The following PEPD variants were observed in gnomAD, a reference collection of about 807,000 sequenced individuals.
PEPD encodes peptidase D, also known as xaa-Pro dipeptidase.
In PEPD, 53 loss-of-function variants were observed where a neutral mutation model predicts 60.7. The ratio of observed to expected loss-of-function variants is 0.87; its 90% CI spans 0.70 to 1.10. PEPD has a LOEUF of 1.10. Ranked by LOEUF, PEPD falls within the 50% of genes least tolerant of loss-of-function variation. The pLI is 0.00. For synonymous variants in PEPD, 267 were observed against 284.1 expected (o/e 0.94, Z 0.60); for missense variants, 711 against 711.9 (o/e 1.00, Z 0.01).
At chr19:33,481,699 A>G (rs988603387) in intron 6 of PEPD, among the ~76,000 whole-genome samples, 5 of 152,116 alleles carry the variant, frequency 3.3e-5, no homozygotes, top group African/African-American at 1.2e-4. Context: ...AATTCTATCA[A>G]ATGTTTAAAG....
intron 12 of PEPD, among the ~76,000 whole-genome samples, chr19:33,397,448 G>A (rs1304344484): frequency 1.3e-5 from 2 of 152,004 alleles, no homozygotes; most frequent in Non-Finnish European, 1.5e-5. Flanking sequence ...ACCTGGCCAC[G>A]GCCTCCTCGA....
chr19:33,475,537 G>T (rs1600145324), intron 7 of PEPD, among the ~76,000 whole-genome samples: 2 of 152,224 alleles, frequency 1.3e-5, no homozygotes, highest in Admixed American at 1.3e-4. Context: ...AATAAAGTTG[G>T]GAGGTATGCT....
At chr19:33,441,292 C>T (rs560560063) in intron 9 of PEPD, among the ~76,000 whole-genome samples, 20 of 152,320 alleles carry the variant, frequency 1.3e-4, no homozygotes, top group African/African-American at 4.1e-4. Context: ...CCTGGGACCA[C>T]CTGGGAACGG....
At chr19:33,425,061 G>T (rs1969111400) in intron 9 of PEPD, among the ~76,000 whole-genome samples, 2 of 152,028 alleles carry the variant, frequency 1.3e-5, no homozygotes, top group Admixed American at 6.6e-5. Flanking sequence ...CAAACCACAT[G>T]ACCAGGAAAC....
chr19:33,414,439 C>T (rs1295159839), intron 9 of PEPD, among the ~76,000 whole-genome samples: 2 of 152,314 alleles, frequency 1.3e-5, no homozygotes, highest in African/African-American at 4.8e-5. Flanking sequence ...AGCCATTCTG[C>T]CTTGGTCTTC....
At chr19:33,392,001 T>C (rs776501336) in intron 12 of PEPD, among the ~76,000 whole-genome samples, 1 of 152,218 alleles carries the variant, frequency 6.6e-6, no homozygotes, top group Non-Finnish European at 1.5e-5. Flanking sequence ...GAGGGGTCCC[T>C]GCACATCCCA....
intron 9 of PEPD, among the ~76,000 whole-genome samples, chr19:33,432,858 A>C (rs1330741695): frequency 6.6e-6 from 1 of 152,222 alleles, no homozygotes; most frequent in Admixed American, 6.5e-5. Flanking sequence ...CCCAGTACCC[A>C]CAGCCTGGAT....
intron 1 of PEPD, 128 bp downstream of exon 1, chr19:33,521,616 C>A: frequency 4.8e-6 from 5 of 1,050,230 alleles, no homozygotes; most frequent in Non-Finnish European, 7.1e-6. Flanking sequence ...GGACTCCGGG[C>A]CAACGGGAAG....
chr19:33,469,496 C>T (rs1171410185), intron 7 of PEPD, among the ~76,000 whole-genome samples: 2 of 152,170 alleles, frequency 1.3e-5, no homozygotes, highest in Non-Finnish European at 1.5e-5. Flanking sequence ...CTTCTTGGAG[C>T]GCGCAGCAGC....
intron 6 of PEPD, among the ~76,000 whole-genome samples, chr19:33,485,783 A>G (rs1395796988): frequency 6.6e-6 from 1 of 152,196 alleles, no homozygotes; most frequent in African/African-American, 2.4e-5. Context: ...ATGCCGAAAG[A>G]TAAGAAATAC....
At chr19:33,484,520 G>A (rs976970896) in intron 6 of PEPD, among the ~76,000 whole-genome samples, 6 of 151,950 alleles carry the variant, frequency 3.9e-5, no homozygotes, top group Admixed American at 1.3e-4. Flanking sequence ...GCACAACAGG[G>A]GCATGCTCGG....
At chr19:33,459,255 G>C (rs1969882880) in intron 9 of PEPD, among the ~76,000 whole-genome samples, 1 of 152,074 alleles carries the variant, frequency 6.6e-6, no homozygotes, top group African/African-American at 2.4e-5. Context: ...AGAAACAAAA[G>C]GGCCCCAAAT....
At chr19:33,485,112 C>T (rs2145308572) in intron 6 of PEPD, among the ~76,000 whole-genome samples, 1 of 152,288 alleles carries the variant, frequency 6.6e-6, no homozygotes, top group African/African-American at 2.4e-5. Flanking sequence ...GGCAGCCCCT[C>T]CACTCTGCTC....
intron 12 of PEPD, among the ~76,000 whole-genome samples, chr19:33,400,217 G>C (rs1968457884): frequency 6.6e-6 from 1 of 152,196 alleles, no homozygotes; most frequent in Admixed American, 6.5e-5. Flanking sequence ...CTATGACCTG[G>C]GCATGGCCAA....
intron 7 of PEPD, among the ~76,000 whole-genome samples, chr19:33,469,754 G>A (rs1311392020): frequency 6.6e-6 from 1 of 151,798 alleles, no homozygotes; most frequent in African/African-American, 2.4e-5. Context: ...CCTCCCCTAC[G>A]CTGCCTGCCA....
At chr19:33,482,820 T>G (rs1970332926) in intron 6 of PEPD, among the ~76,000 whole-genome samples, 1 of 152,134 alleles carries the variant, frequency 6.6e-6, no homozygotes. Flanking sequence ...GAAAAAAATA[T>G]TTTTCAGCCA....
At chr19:33,390,036 A>G (rs958526168) in intron 13 of PEPD, among the ~76,000 whole-genome samples, 4 of 152,376 alleles carry the variant, frequency 2.6e-5, no homozygotes, top group Admixed American at 2.6e-4. Context: ...CTGCCTGGGC[A>G]CAGGGCTTGA....
intron 13 of PEPD, 126 bp from the exon 14 acceptor site, chr19:33,388,207 GCCTAGACTCGCC>G (rs1968126827): frequency 1.3e-6 from 1 of 793,324 alleles, no homozygotes. Context: ...GGGGTCCTCA[GCCTAGACTCGCC>G]CCTGCTGTGC....
chr19:33,417,438 G>A (rs1157173349), intron 9 of PEPD, among the ~76,000 whole-genome samples: 1 of 152,144 alleles, frequency 6.6e-6, no homozygotes, highest in Non-Finnish European at 1.5e-5. Context: ...CCCTGTGCTG[G>A]GCTCCCTGCT....
Sources: gnomAD v4.1 joint callset for allele counts (sites outside exome capture counted in the v4.1 genomes callset) on GRCh38, gnomAD v4.1.1 for gene constraint, MANE v1.5 for transcripts, NCBI Gene and HGNC (gene_info 2026-07-23, HGNC 2026-07-21) for gene names.